The following COLEC12 variants were observed in gnomAD, a reference collection of about 807,000 sequenced individuals.
The protein encoded by COLEC12 is collectin-12.
A neutral mutation model predicts 71.1 loss-of-function variants in COLEC12; 33 were observed. The observed-to-expected ratio is 0.46, with a 90% CI of 0.35 to 0.62. COLEC12 has a LOEUF of 0.62. Ranked by LOEUF, COLEC12 falls within the 20% of genes least tolerant of loss-of-function variation. COLEC12 has a pLI of 0.00. For missense variants in COLEC12, 765 were observed against 916.1 expected, an observed-to-expected ratio of 0.84 and a Z score of 2.13; for synonymous variants, 350 against 353.0, an observed-to-expected ratio of 0.99 and a Z score of 0.10.
At chr18:372,417 T>TTTTG (rs1039929438) in intron 2 of COLEC12, among the ~76,000 whole-genome samples, 67 of 151,786 alleles carry the variant, frequency 4.4e-4, no homozygotes, top group African/African-American at 1.5e-3. Context: ...AAAGAGTGTT[T>TTTTG]TTTGTTTGTT....
intron 2 of COLEC12, among the ~76,000 whole-genome samples, chr18:421,906 C>G (rs930273027): frequency 6.6e-6 from 1 of 152,204 alleles, no homozygotes; most frequent in Admixed American, 6.5e-5. Context: ...AAAGTTCTCA[C>G]CCATCATATT....
chr18:374,436 C>T (rs1368946782), intron 2 of COLEC12, among the ~76,000 whole-genome samples: 2 of 150,294 alleles, frequency 1.3e-5, no homozygotes, highest in Non-Finnish European at 1.5e-5. Flanking sequence ...TCAAGCCATT[C>T]AAAGAACAAG....
At chr18:447,728 T>C (rs1034706396) in intron 2 of COLEC12, among the ~76,000 whole-genome samples, 13 of 152,206 alleles carry the variant, frequency 8.5e-5, no homozygotes, top group Admixed American at 3.9e-4. Context: ...AGAGCTTAGA[T>C]ACTTTGCTAA....
At chr18:368,759 C>A (rs78459025) in intron 2 of COLEC12, among the ~76,000 whole-genome samples, 1 of 151,500 alleles carries the variant, frequency 6.6e-6, no homozygotes, top group Admixed American at 6.6e-5. Flanking sequence ...CCAGCTACTT[C>A]TGAGGCTGAG....
chr18:364,360 T>C (rs1486577635), intron 2 of COLEC12, among the ~76,000 whole-genome samples: 1 of 152,176 alleles, frequency 6.6e-6, no homozygotes. Context: ...TTATAAGAAA[T>C]CCTTTATTAG....
chr18:385,995 G>A (rs1915337182), intron 2 of COLEC12, among the ~76,000 whole-genome samples: 2 of 152,266 alleles, frequency 1.3e-5, no homozygotes, highest in South Asian at 4.1e-4. Context: ...TGTCCTTTAA[G>A]GTTGATCTGA....
At chr18:441,498 T>A (rs899911914) in intron 2 of COLEC12, among the ~76,000 whole-genome samples, 3 of 152,122 alleles carry the variant, frequency 2.0e-5, no homozygotes, top group African/African-American at 7.2e-5. Flanking sequence ...AGCCTTGTAC[T>A]GTGCAGCGTA....
intron 8 of COLEC12, among the ~76,000 whole-genome samples, chr18:328,978 CCTAT>C (rs1913908685): frequency 6.6e-6 from 1 of 152,156 alleles, no homozygotes; most frequent in African/African-American, 2.4e-5. Flanking sequence ...TTTTTATGTT[CCTAT>C]GTATTCCTTT....
At chr18:395,978 C>T (rs932183712) in intron 2 of COLEC12, among the ~76,000 whole-genome samples, 3 of 152,196 alleles carry the variant, frequency 2.0e-5, no homozygotes, top group African/African-American at 2.4e-5. Context: ...AGGCCCTGTG[C>T]GACCCAGAGC....
intron 7 of COLEC12, 33 bp from the exon 8 acceptor site, chr18:331,810 T>C: frequency 2.2e-6 from 3 of 1,344,406 alleles, no homozygotes; most frequent in Non-Finnish European, 3.2e-6. Context: ...TGCGTGACTA[T>C]TTTTCAGAAC....
Position 443,952 on chromosome 18 carries a change from A to C in COLEC12, c.58+36755T>G, listed in dbSNP as rs182163058. 4.6e-3 allele frequency among the ~76,000 whole-genome samples: 689 copies of C among 151,200 alleles called. 1 individual carries two copies. The highest frequency in any genetic ancestry group is 7.9e-3 in the Non-Finnish European group (534 of 67,774). On this transcript the variant is annotated intron_variant, in intron 2 of 9. Transcript: ENST00000400256. ...CCTGCTTTCACCATATGACGTGCCT[A>C]CTCTCCCTTCACCTTCTGCCATGAT...
chr18:320,016 A>T lies in COLEC12; in HGVS notation c.*29T>A. The T allele has an allele frequency of 6.9e-7, 1 of 1,445,840 alleles. No individual in the cohort carries two copies. Among genetic ancestry groups the T allele is most frequent in the Non-Finnish European group, 9.5e-7 (1 of 1,047,328 alleles). 89.6% of individuals were successfully genotyped at this position (1,445,840 alleles called of 1,614,324 possible). ...TGTCCTTTGCCTTTGAGAGCTGAAA[A>T]TTTGCTCATGTGATCCCATCACAGT... is the stretch of plus-strand genomic sequence containing the variant. On this transcript the variant is annotated 3_prime_UTR_variant, in exon 10 of 10. Coordinates refer to ENST00000400256, the MANE Select transcript of COLEC12 (RefSeq NM_130386.3).
chr18:406,515 C>CAAAAAAAAAAAAAAAAA (rs34263909), intron 2 of COLEC12, among the ~76,000 whole-genome samples: 12 of 90,458 alleles, frequency 1.3e-4, no homozygotes, highest in African/African-American at 5.8e-4. Flanking sequence ...GACTCCGTCT[C>CAAAAAAAAAAAAAAAAA]AAAAAAAAAA....
chr18:358,346 C>T (rs1914671888), intron 2 of COLEC12, among the ~76,000 whole-genome samples: 1 of 152,096 alleles, frequency 6.6e-6, no homozygotes, highest in African/African-American at 2.4e-5. Context: ...ATTATTATTA[C>T]ATTGTAATAT....
intron 2 of COLEC12, among the ~76,000 whole-genome samples, chr18:401,238 T>C (rs926030709): frequency 2.6e-5 from 4 of 152,246 alleles, no homozygotes; most frequent in Non-Finnish European, 4.4e-5. Context: ...TACAACCTTC[T>C]TAGTATTTAG....
intron 8 of COLEC12, among the ~76,000 whole-genome samples, chr18:330,778 A>ATGG (rs1182223218): frequency 1.3e-5 from 2 of 151,952 alleles, no homozygotes; most frequent in African/African-American, 2.4e-5. Flanking sequence ...ACTTATGGGG[A>ATGG]ATCTTCAAAC....
intron 2 of COLEC12, among the ~76,000 whole-genome samples, chr18:394,938 CAAAAAAAA>C (rs1915537868): frequency 1.3e-5 from 2 of 151,912 alleles, no homozygotes; most frequent in Non-Finnish European, 2.9e-5. Flanking sequence ...CAAAACAAAA[CAAAAAAAA>C]CACCTGGTAT....
chr18:350,427 G>GA (rs1567880850), intron 3 of COLEC12, among the ~76,000 whole-genome samples: 1 of 151,972 alleles, frequency 6.6e-6, no homozygotes, highest in African/African-American at 2.4e-5. Context: ...AGCAGCATGG[G>GA]AACGGACTAA....
At chr18:465,763 C>G (rs1302043502) in intron 2 of COLEC12, among the ~76,000 whole-genome samples, 1 of 152,028 alleles carries the variant, frequency 6.6e-6, no homozygotes, top group Non-Finnish European at 1.5e-5. Context: ...CCTTCCCAGT[C>G]TTTCTAAAGG....
Sources: gnomAD v4.1 joint callset for allele counts (sites outside exome capture counted in the v4.1 genomes callset) on GRCh38, gnomAD v4.1.1 for gene constraint, MANE v1.5 for transcripts, NCBI Gene and HGNC (gene_info 2026-07-23, HGNC 2026-07-21) for gene names.